Variants in ACOXL observed in about 807,000 individuals in gnomAD.
ACOXL encodes the protein acyl-CoA oxidase like.
ACOXL carries 70 observed loss-of-function variants against 71.9 expected under a neutral mutation model. The ratio of observed to expected loss-of-function variants is 0.97; its 90% CI spans 0.80 to 1.19. The LOEUF (loss-of-function observed/expected upper bound fraction) is 1.19. Ranked by LOEUF, ACOXL falls within the 50% of genes most tolerant of loss-of-function variation. ACOXL has a pLI of 0.00. For missense variants in ACOXL, 703 were observed against 736.3 expected, an observed-to-expected ratio of 0.95 and a Z score of 0.52; for synonymous variants, 253 against 281.6, an observed-to-expected ratio of 0.90 and a Z score of 1.02.
chr2:111,077,644 T>C (rs1558943622), intron 16 of ACOXL, among the ~76,000 whole-genome samples: 1 of 152,292 alleles, frequency 6.6e-6, no homozygotes, highest in Admixed American at 6.5e-5. Context: ...TGTTTTCTCA[T>C]TGGTAATTTT....
intron 12 of ACOXL, among the ~76,000 whole-genome samples, chr2:110,956,457 C>A (rs2061504978): frequency 2.0e-5 from 3 of 152,174 alleles, no homozygotes; most frequent in South Asian, 2.1e-4. Flanking sequence ...GATGGGGCAA[C>A]CTGCCATCAC....
At chr2:111,071,863 G>T (rs2067358797) in intron 16 of ACOXL, among the ~76,000 whole-genome samples, 1 of 152,206 alleles carries the variant, frequency 6.6e-6, no homozygotes, top group Admixed American at 6.5e-5. Flanking sequence ...GAGCCCTGAT[G>T]CCAGGCTAGG....
At chr2:110,819,771 T>C (rs1325998385) in intron 9 of ACOXL, among the ~76,000 whole-genome samples, 1 of 152,190 alleles carries the variant, frequency 6.6e-6, no homozygotes, top group East Asian at 1.9e-4. Context: ...CCAATAACAC[T>C]GATATTCTCT....
chr2:111,103,104 A>G (rs1277291703), intron 17 of ACOXL, among the ~76,000 whole-genome samples: 1 of 152,108 alleles, frequency 6.6e-6, no homozygotes, highest in Admixed American at 6.5e-5. Context: ...CAGCCTGGCC[A>G]ACATGGTAAA....
At chr2:110,805,648 G>A (rs1181860568) in intron 9 of ACOXL, among the ~76,000 whole-genome samples, 2 of 152,246 alleles carry the variant, frequency 1.3e-5, no homozygotes, top group African/African-American at 4.8e-5. Flanking sequence ...AGGCATTGTG[G>A]TAAGAGAGCC....
At chr2:110,964,361 G>A (rs571492758) in intron 12 of ACOXL, among the ~76,000 whole-genome samples, 1 of 152,338 alleles carries the variant, frequency 6.6e-6, no homozygotes, top group South Asian at 2.1e-4. Context: ...TGGCCACTCA[G>A]TGGGGAATTA....
chr2:110,832,381 A>G (rs1480538697), intron 9 of ACOXL, among the ~76,000 whole-genome samples: 4 of 151,920 alleles, frequency 2.6e-5, no homozygotes, highest in African/African-American at 9.7e-5. Context: ...TACTAAAAAT[A>G]CAAAAAATTA....
intron 12 of ACOXL, among the ~76,000 whole-genome samples, chr2:110,983,541 G>A (rs185365964): frequency 6.6e-6 from 1 of 152,224 alleles, no homozygotes; most frequent in African/African-American, 2.4e-5. Flanking sequence ...CTGAGCAGGT[G>A]TATATGAAAA....
chr2:111,002,631 G>T (rs1360442652), intron 14 of ACOXL, among the ~76,000 whole-genome samples: 2 of 151,992 alleles, frequency 1.3e-5, no homozygotes, highest in African/African-American at 4.8e-5. Context: ...ATGGTATTAG[G>T]GTCCACATTT....
intron 10 of ACOXL, among the ~76,000 whole-genome samples, chr2:110,842,633 G>A (rs556481182): frequency 6.6e-6 from 1 of 152,308 alleles, no homozygotes; most frequent in Non-Finnish European, 1.5e-5. Flanking sequence ...GATAAACTGG[G>A]TGGGGGATTG....
chr2:110,856,569 A>G (rs1693275005), intron 10 of ACOXL, among the ~76,000 whole-genome samples: 1 of 152,248 alleles, frequency 6.6e-6, no homozygotes, highest in Admixed American at 6.5e-5. Flanking sequence ...CTACAGAAAG[A>G]AGGAGTCTTC....
At chr2:110,946,004 G>T (rs770512035) in intron 12 of ACOXL, among the ~76,000 whole-genome samples, 2 of 152,188 alleles carry the variant, frequency 1.3e-5, no homozygotes, top group African/African-American at 4.8e-5. Flanking sequence ...CCAATTGTTT[G>T]TGTCATCTCT....
At chr2:110,778,236 TACAG>T (rs1682891680) in intron 2 of ACOXL, among the ~76,000 whole-genome samples, 1 of 152,160 alleles carries the variant, frequency 6.6e-6, no homozygotes, top group African/African-American at 2.4e-5. Flanking sequence ...ATGAGTCAGT[TACAG>T]ACAGACACTA....
chr2:111,026,388 CG>C (rs1558883885), intron 14 of ACOXL, among the ~76,000 whole-genome samples: 3 of 151,910 alleles, frequency 2.0e-5, no homozygotes, highest in Non-Finnish European at 4.4e-5. Flanking sequence ...TTAGCAATAT[CG>C]AGTTCTCTGA....
At chr2:110,846,973 C>A (rs537844818) in intron 10 of ACOXL, among the ~76,000 whole-genome samples, 1 of 152,214 alleles carries the variant, frequency 6.6e-6, no homozygotes, top group South Asian at 2.1e-4. Context: ...ATTATCATGG[C>A]GCTTTAATTT....
At chr2:110,774,628 A>G (rs1300359555) in intron 2 of ACOXL, among the ~76,000 whole-genome samples, 1 of 152,250 alleles carries the variant, frequency 6.6e-6, no homozygotes, top group Non-Finnish European at 1.5e-5. Context: ...GGAGGTAAAG[A>G]CTGTACATGG....
chr2:110,933,740 T>C, intron 12 of ACOXL, 98 bp downstream of exon 12: 4 of 1,415,504 alleles, frequency 2.8e-6, no homozygotes, highest in Non-Finnish European at 3.7e-6. Flanking sequence ...CAGAGTCTAA[T>C]AGAAATCCCA....
intron 1 of ACOXL, among the ~76,000 whole-genome samples, chr2:110,766,366 T>C (rs915333715): frequency 3.3e-5 from 5 of 152,188 alleles, no homozygotes; most frequent in African/African-American, 4.8e-5. Context: ...CAGGTGGCCA[T>C]GTATATTCAG....
intron 14 of ACOXL, among the ~76,000 whole-genome samples, chr2:111,031,399 T>G (rs2065258413): frequency 6.6e-6 from 1 of 152,206 alleles, no homozygotes; most frequent in African/African-American, 2.4e-5. Flanking sequence ...TGACCTCCAT[T>G]AGTATAAATT....
Sources: gnomAD v4.1 joint callset for allele counts (sites outside exome capture counted in the v4.1 genomes callset) on GRCh38, gnomAD v4.1.1 for gene constraint, MANE v1.5 for transcripts, NCBI Gene and HGNC (gene_info 2026-07-23, HGNC 2026-07-21) for gene names.